FHIT: variants seen among roughly 807,000 people sequenced by gnomAD.
FHIT encodes the protein fragile histidine triad diadenosine triphosphatase.
In FHIT, 19 loss-of-function variants were observed where a neutral mutation model predicts 17.9. The observed-to-expected ratio is 1.06, with a 90% CI of 0.74 to 1.56. The LOEUF is 1.56. Among genes scored for constraint, FHIT ranks in the 40% most tolerant of loss-of-function variants. The pLI, the probability that FHIT is intolerant of heterozygous loss-of-function variation, is 0.00. For missense variants in FHIT, 248 were observed against 189.2 expected (o/e 1.31, Z -1.82); for synonymous variants, 81 against 69.7 (o/e 1.16, Z -0.81).
intron 4 of FHIT, among the ~76,000 whole-genome samples, chr3:60,647,768 T>C (rs2039895163): frequency 6.6e-6 from 1 of 152,296 alleles, no homozygotes; most frequent in African/African-American, 2.4e-5. Context: ...ACTTGATATG[T>C]TTTACAGAAA....
intron 2 of FHIT, among the ~76,000 whole-genome samples, chr3:61,077,032 TTTA>T (rs1310629344): frequency 6.6e-6 from 1 of 152,126 alleles, no homozygotes; most frequent in Non-Finnish European, 1.5e-5. Flanking sequence ...GCTAAATGTG[TTTA>T]TTATTTAAAT....
chr3:60,310,911 C>T (rs537521744), intron 5 of FHIT, among the ~76,000 whole-genome samples: 42 of 152,248 alleles, frequency 2.8e-4, no homozygotes, highest in Middle Eastern at 3.4e-3. Flanking sequence ...TGTATACACA[C>T]TATTTTTTCC....
In FHIT at chr3:60,192,838, C is replaced by T. The variant is rs978977649; in HGVS notation, c.104-178686G>A. Among the ~76,000 whole-genome samples the T allele has an allele frequency of 1.6e-4, 24 of 152,186 alleles. 1 individual carries two copies. Among genetic ancestry groups the T allele is most frequent in the Non-Finnish European group, 1.8e-4 (12 of 68,032 alleles). On this transcript the variant is annotated intron_variant, in intron 5 of 9. Transcript: ENST00000492590. ...GGTTTTGACTTTTCGTAACCACGAT[C>T]CACATTAAGAGCTTTTTCAAATAAT...
At chr3:60,154,501 T>C (rs1700597498) in intron 5 of FHIT, among the ~76,000 whole-genome samples, 1 of 152,192 alleles carries the variant, frequency 6.6e-6, no homozygotes, top group South Asian at 2.1e-4. Context: ...CAAGGAATCA[T>C]TTATCTAAGA....
intron 5 of FHIT, among the ~76,000 whole-genome samples, chr3:60,252,416 T>C (rs1356134978): frequency 6.6e-6 from 1 of 151,918 alleles, no homozygotes; most frequent in Non-Finnish European, 1.5e-5. Flanking sequence ...TTTAAAAAAT[T>C]AGCAGATCAT....
chr3:61,081,453 A>C (rs1276823846), intron 2 of FHIT, among the ~76,000 whole-genome samples: 1 of 152,306 alleles, frequency 6.6e-6, no homozygotes, highest in South Asian at 2.1e-4. Flanking sequence ...AAAGTGCCCA[A>C]TCTTTGATGC....
intron 5 of FHIT, among the ~76,000 whole-genome samples, chr3:60,440,844 G>C (rs1213838769): frequency 6.6e-6 from 1 of 152,042 alleles, no homozygotes; most frequent in African/African-American, 2.4e-5. Context: ...CAGCTTGGAG[G>C]AACTCAACCA....
intron 3 of FHIT, among the ~76,000 whole-genome samples, chr3:60,916,056 G>A (rs969064717): frequency 2.0e-5 from 3 of 152,028 alleles, no homozygotes; most frequent in Admixed American, 6.6e-5. Context: ...ACTTAAAAAT[G>A]TCATAGAGAT....
chr3:59,761,955 C>G (rs548011619), intron 8 of FHIT, among the ~76,000 whole-genome samples: 2 of 152,132 alleles, frequency 1.3e-5, no homozygotes, highest in African/African-American at 4.8e-5. Flanking sequence ...TTCACCTTTT[C>G]TCTTAAATAC....
At chr3:60,136,644 T>TCCTTA (rs1051160582) in intron 5 of FHIT, among the ~76,000 whole-genome samples, 5 of 144,134 alleles carry the variant, frequency 3.5e-5, no homozygotes, top group Non-Finnish European at 7.4e-5. Flanking sequence ...GAATGATGCT[T>TCCTTA]CCTTACCTTA....
chr3:60,543,656 G>A (rs73105611), intron 4 of FHIT, among the ~76,000 whole-genome samples: 23,392 of 152,088 alleles, frequency 0.15, 2,544 homozygotes, highest in African/African-American at 0.29. Flanking sequence ...ACAGCAGAAA[G>A]CTATTGATTT....
At chr3:60,919,228 C>G (rs532099459) in intron 3 of FHIT, among the ~76,000 whole-genome samples, 1 of 152,310 alleles carries the variant, frequency 6.6e-6, no homozygotes, top group East Asian at 1.9e-4. Context: ...TCCTTGAAAA[C>G]ACACGCGTTA....
intron 3 of FHIT, among the ~76,000 whole-genome samples, chr3:60,860,138 T>C (rs1393300248): frequency 1.4e-5 from 2 of 144,972 alleles, no homozygotes; most frequent in African/African-American, 2.6e-5. Flanking sequence ...ATCTGATATA[T>C]ATACATATGG....
intron 5 of FHIT, among the ~76,000 whole-genome samples, chr3:60,426,972 T>A (rs991284314): frequency 5.9e-5 from 9 of 152,094 alleles, no homozygotes; most frequent in African/African-American, 1.9e-4. Flanking sequence ...CTAGGTTATG[T>A]TATACAACAA....
intron 3 of FHIT, among the ~76,000 whole-genome samples, chr3:60,979,351 GA>G (rs1246892850): frequency 6.6e-6 from 1 of 152,144 alleles, no homozygotes; most frequent in Admixed American, 6.5e-5. Context: ...AGGAATTAAA[GA>G]AAAAACAGTT....
chr3:60,724,783 G>A (rs1352123979), intron 4 of FHIT, among the ~76,000 whole-genome samples: 1 of 151,676 alleles, frequency 6.6e-6, no homozygotes, highest in East Asian at 1.9e-4. Flanking sequence ...TGAGTAGCTG[G>A]GATTACAGGC....
chr3:60,094,092 G>T (rs894890461), intron 5 of FHIT, among the ~76,000 whole-genome samples: 5 of 151,964 alleles, frequency 3.3e-5, no homozygotes, highest in Non-Finnish European at 7.4e-5. Flanking sequence ...AAAAAATATT[G>T]AAGATTAAAA....
chr3:60,446,155 C>T (rs1004076919), intron 5 of FHIT, among the ~76,000 whole-genome samples: 1 of 152,088 alleles, frequency 6.6e-6, no homozygotes, highest in Non-Finnish European at 1.5e-5. Context: ...ACTGGGAGAA[C>T]TGCAACTAAT....
At chr3:59,951,554 T>C (rs1707117915) in intron 7 of FHIT, among the ~76,000 whole-genome samples, 1 of 152,214 alleles carries the variant, frequency 6.6e-6, no homozygotes, top group Non-Finnish European at 1.5e-5. Context: ...CCTTTGGCCA[T>C]CTCTGACCCT....
Sources: allele counts gnomAD v4.1 joint callset (sites outside exome capture counted in the v4.1 genomes callset), GRCh38; gene constraint gnomAD v4.1.1; transcripts MANE v1.5; gene names NCBI Gene and HGNC (gene_info 2026-07-23, HGNC 2026-07-21).